DLG2: variants seen among roughly 807,000 people sequenced by gnomAD.
The protein encoded by DLG2 is discs large MAGUK scaffold protein 2.
In DLG2, 45 loss-of-function variants were observed where a neutral mutation model predicts 132.5. The observed-to-expected ratio is 0.34, with a 90% CI of 0.27 to 0.44. The LOEUF (loss-of-function observed/expected upper bound fraction) is 0.44. Ranked by LOEUF, DLG2 falls within the 20% of genes least tolerant of loss-of-function variation. DLG2 has a pLI of 1.00. For missense variants in DLG2, 1,045 were observed against 1,196.9 expected (o/e 0.87, Z 1.87); for synonymous variants, 424 against 419.6 (o/e 1.01, Z -0.13).
chr11:85,291,799 G>A (rs2078910429), intron 3 of DLG2, among the ~76,000 whole-genome samples: 1 of 151,934 alleles, frequency 6.6e-6, no homozygotes, highest in East Asian at 1.9e-4. Flanking sequence ...TGGGCAGGCT[G>A]GTTTCTAACT....
At chr11:84,660,275 T>G (rs2099693115) in intron 6 of DLG2, among the ~76,000 whole-genome samples, 1 of 152,114 alleles carries the variant, frequency 6.6e-6, no homozygotes, top group Non-Finnish European at 1.5e-5. Flanking sequence ...AGTGTAAAGG[T>G]CAGACTTCTG....
intron 9 of DLG2, among the ~76,000 whole-genome samples, chr11:84,146,253 A>G (rs2095076898): frequency 1.6e-5 from 1 of 64,304 alleles, no homozygotes; most frequent in African/African-American, 3.7e-5. Context: ...GCTTTGCTTT[A>G]TCATCTTACT....
intron 10 of DLG2, among the ~76,000 whole-genome samples, chr11:84,093,247 G>C (rs2097122106): frequency 6.6e-6 from 1 of 152,180 alleles, no homozygotes; most frequent in Admixed American, 6.5e-5. Flanking sequence ...GTCTTCTTCC[G>C]AGCTCATGTG....
intron 4 of DLG2, among the ~76,000 whole-genome samples, chr11:85,166,432 C>G (rs2078454118): frequency 6.6e-6 from 1 of 151,860 alleles, no homozygotes; most frequent in Admixed American, 6.6e-5. Context: ...TTTTCAGAAC[C>G]CAATTTGGCT....
At chr11:83,720,325 A>AAAAAAAAAAAAAAAAAAAAAC (rs2088124602) in intron 18 of DLG2, among the ~76,000 whole-genome samples, 1 of 147,142 alleles carries the variant, frequency 6.8e-6, no homozygotes, top group Non-Finnish European at 1.5e-5. Context: ...AAAAAAAAAA[A>AAAAAAAAAAAAAAAAAAAAAC]AGAATGACAT....
intron 11 of DLG2, among the ~76,000 whole-genome samples, chr11:84,025,083 G>A (rs1159211270): frequency 6.6e-6 from 1 of 152,210 alleles, no homozygotes; most frequent in East Asian, 1.9e-4. Flanking sequence ...AAGAAAAAAA[G>A]ACTATTCAGT....
At chr11:83,637,447 T>C (rs765247901) in intron 18 of DLG2, among the ~76,000 whole-genome samples, 12 of 152,172 alleles carry the variant, frequency 7.9e-5, no homozygotes, top group Non-Finnish European at 1.3e-4. Context: ...ACATTATTTT[T>C]CCTAAGAAAG....
At chr11:83,470,248 A>G (rs1040511712) in intron 24 of DLG2, among the ~76,000 whole-genome samples, 1 of 152,064 alleles carries the variant, frequency 6.6e-6, no homozygotes, top group Non-Finnish European at 1.5e-5. Context: ...ATTGGGATAT[A>G]ATAATCATTT....
At chr11:83,703,744 C>T (rs998050201) in intron 18 of DLG2, among the ~76,000 whole-genome samples, 4 of 152,164 alleles carry the variant, frequency 2.6e-5, no homozygotes, top group Non-Finnish European at 5.9e-5. Flanking sequence ...TAGATGAGAG[C>T]TCTGAAAGAT....
intron 3 of DLG2, among the ~76,000 whole-genome samples, chr11:85,286,705 C>T (rs575664479): frequency 6.3e-4 from 96 of 152,206 alleles, no homozygotes; most frequent in Non-Finnish European, 1.1e-3. Flanking sequence ...ATTCCTGGCT[C>T]TGTCTTCTGA....
chr11:85,559,756 G>A (rs937478644), intron 3 of DLG2, among the ~76,000 whole-genome samples: 1 of 151,286 alleles, frequency 6.6e-6, no homozygotes, highest in African/African-American at 2.4e-5. Context: ...AAAAAGCGAG[G>A]TATCTTAAAT....
chr11:84,833,085 T>C (rs1267376344), intron 6 of DLG2, among the ~76,000 whole-genome samples: 1 of 151,636 alleles, frequency 6.6e-6, no homozygotes, highest in Non-Finnish European at 1.5e-5. Flanking sequence ...ATAAATTTGC[T>C]CTAATTGAAT....
At chr11:83,780,364 A>T (rs1307177488) in intron 18 of DLG2, among the ~76,000 whole-genome samples, 1 of 152,168 alleles carries the variant, frequency 6.6e-6, no homozygotes, top group Non-Finnish European at 1.5e-5. Context: ...GGTTACCCCA[A>T]ATAACATCAG....
chr11:85,415,949 C>A (rs1159899357), intron 3 of DLG2, among the ~76,000 whole-genome samples: 4 of 152,164 alleles, frequency 2.6e-5, no homozygotes. Flanking sequence ...TTGGCCCATG[C>A]CTATGTCATG....
chr11:85,143,662 C>T (rs947484984), intron 5 of DLG2, among the ~76,000 whole-genome samples: 7 of 151,708 alleles, frequency 4.6e-5, no homozygotes, highest in African/African-American at 1.7e-4. Context: ...CTTAAAATTT[C>T]CTTCCTGATT....
intron 3 of DLG2, among the ~76,000 whole-genome samples, chr11:85,479,641 G>A (rs2093238918): frequency 6.6e-6 from 1 of 152,148 alleles, no homozygotes; most frequent in African/African-American, 2.4e-5. Flanking sequence ...AAACCAAAAT[G>A]AGATCGCTTT....
chr11:84,047,018 AT>A (rs2096255205), intron 11 of DLG2, among the ~76,000 whole-genome samples: 1 of 151,630 alleles, frequency 6.6e-6, no homozygotes, highest in Non-Finnish European at 1.5e-5. Context: ...AAGGCGAAAA[AT>A]TTAACGGACA....
At chr11:83,883,080 G>T (rs1326901486) in intron 15 of DLG2, among the ~76,000 whole-genome samples, 1 of 152,046 alleles carries the variant, frequency 6.6e-6, no homozygotes, top group East Asian at 1.9e-4. Flanking sequence ...TTTCTTAATT[G>T]CCCACAATTT....
At chr11:84,448,824 C>A (rs1270804080) in intron 7 of DLG2, among the ~76,000 whole-genome samples, 1 of 151,978 alleles carries the variant, frequency 6.6e-6, no homozygotes, top group Non-Finnish European at 1.5e-5. Context: ...ATTTTCGTAT[C>A]CTCGGAGACC....
Sources: allele counts gnomAD v4.1 joint callset (sites outside exome capture counted in the v4.1 genomes callset), GRCh38; gene constraint gnomAD v4.1.1; transcripts MANE v1.5; gene names NCBI Gene and HGNC (gene_info 2026-07-23, HGNC 2026-07-21).